Variants in JARID2 observed in about 807,000 individuals in gnomAD.
JARID2 encodes the protein jumonji and AT-rich interaction domain containing 2.
In JARID2, 21 loss-of-function variants were observed where a neutral mutation model predicts 125.6. The ratio of observed to expected loss-of-function variants is 0.17; its 90% CI spans 0.12 to 0.24. The LOEUF is 0.24. Ranked by LOEUF, JARID2 falls within the 10% of genes least tolerant of loss-of-function variation. The pLI is 1.00. For missense variants in JARID2, 1,303 were observed against 1,639.6 expected, an observed-to-expected ratio of 0.79 and a Z score of 3.55; for synonymous variants, 736 against 661.6, an observed-to-expected ratio of 1.11 and a Z score of -1.73.
intron 2 of JARID2, among the ~76,000 whole-genome samples, chr6:15,384,371 ATTTTTT>A (rs370485500): frequency 7.4e-6 from 1 of 135,388 alleles, no homozygotes; most frequent in Non-Finnish European, 1.6e-5. Context: ...GCCCACTTTG[ATTTTTT>A]TTTTTTTTTT....
intron 2 of JARID2, among the ~76,000 whole-genome samples, chr6:15,404,069 T>G (rs1350287392): frequency 6.6e-6 from 1 of 152,206 alleles, no homozygotes; most frequent in East Asian, 1.9e-4. Flanking sequence ...CCACTTTCAT[T>G]TGTGCCTCGT....
At chr6:15,300,722 T>TGTGAGAGAGAGAGAGAGAGAGAGAGA in intron 1 of JARID2, among the ~76,000 whole-genome samples, 1 of 111,198 alleles carries the variant, frequency 9.0e-6, no homozygotes, top group Non-Finnish European at 1.8e-5. Context: ...TGTGTGTGTG[T>TGTGAGAGAGAGAGAGAGAGAGAGAGA]GAGAGAGAGA....
intron 1 of JARID2, among the ~76,000 whole-genome samples, chr6:15,327,289 G>C (rs1205779472): frequency 2.0e-5 from 3 of 152,056 alleles, no homozygotes; most frequent in African/African-American, 7.2e-5. Flanking sequence ...TGTCACCCAG[G>C]TTGGAGTGCA....
chr6:15,449,938 C>T (rs1047145603), intron 3 of JARID2, among the ~76,000 whole-genome samples: 2 of 151,890 alleles, frequency 1.3e-5, no homozygotes, highest in South Asian at 2.1e-4. Context: ...CTTTATATTT[C>T]GGGAGTGTGG....
At chr6:15,347,675 A>C (rs1012983828) in intron 1 of JARID2, among the ~76,000 whole-genome samples, 2 of 152,174 alleles carry the variant, frequency 1.3e-5, no homozygotes, top group Non-Finnish European at 2.9e-5. Flanking sequence ...CACTTTGTGT[A>C]TGTTGGTGGT....
At position 15,520,189 on chromosome 6, in the gene JARID2, G is replaced by C; in HGVS notation, c.3679G>C (p.Asp1227His). 2 of 1,613,776 alleles carry C rather than the reference G, an allele frequency of 1.2e-6. No individual in the cohort carries two copies. The highest frequency in any genetic ancestry group is 2.2e-5 in the South Asian group (2 of 91,028). Residue 1227 changes from aspartate to histidine, a missense_variant, in exon 18 of 18, where the codon GAC (aspartate) becomes CAC (histidine). Transcript: ENST00000341776. ...AGGTCCCCGCAAGAGAGCGACAGTG[G>C]ACGTGCCCCCCTCCCGTCTGTCAGC... ...KRGPRKRATV[D>H]VPPSRLSASS...
chr6:15,431,470 A>G (rs991462850), intron 3 of JARID2, among the ~76,000 whole-genome samples: 1 of 152,156 alleles, frequency 6.6e-6, no homozygotes, highest in African/African-American at 2.4e-5. Context: ...GGTCATGAGG[A>G]ATAATTCTGA....
At chr6:15,323,116 G>A (rs998937886) in intron 1 of JARID2, among the ~76,000 whole-genome samples, 2 of 152,214 alleles carry the variant, frequency 1.3e-5, no homozygotes, top group Non-Finnish European at 2.9e-5. Context: ...ATTCATTCTG[G>A]CTGTTTTTCT....
At chr6:15,518,740 C>A (rs77683435) in intron 17 of JARID2, among the ~76,000 whole-genome samples, 1 of 152,316 alleles carries the variant, frequency 6.6e-6, no homozygotes, top group East Asian at 1.9e-4. Context: ...CTTCAGCCTC[C>A]CAAAGTGCTG....
intron 3 of JARID2, among the ~76,000 whole-genome samples, chr6:15,416,678 G>C (rs1158786183): frequency 1.4e-5 from 2 of 138,398 alleles, no homozygotes; most frequent in African/African-American, 6.3e-5. Flanking sequence ...GGAGACCGTG[G>C]AAAGAGAGGG....
intron 3 of JARID2, among the ~76,000 whole-genome samples, chr6:15,416,050 G>T (rs960804419): frequency 2.6e-5 from 4 of 151,948 alleles, no homozygotes; most frequent in Non-Finnish European, 4.4e-5. Flanking sequence ...ATCCCAGACG[G>T]GGCGGCGGGG....
intron 3 of JARID2, among the ~76,000 whole-genome samples, chr6:15,436,315 T>A (rs182379837): frequency 6.6e-6 from 1 of 152,236 alleles, no homozygotes; most frequent in African/African-American, 2.4e-5. Flanking sequence ...AGAAGGGAGA[T>A]GGTTTTCCCC....
intron 3 of JARID2, among the ~76,000 whole-genome samples, chr6:15,435,478 A>C (rs542362241): frequency 5.3e-5 from 8 of 152,142 alleles, no homozygotes; most frequent in Non-Finnish European, 1.2e-4. Context: ...GTAGGATGCC[A>C]CCTTCCTCCC....
At chr6:15,249,610 T>C (rs1261568943) in intron 1 of JARID2, among the ~76,000 whole-genome samples, 1 of 152,180 alleles carries the variant, frequency 6.6e-6, no homozygotes, top group African/African-American at 2.4e-5. Flanking sequence ...TATGCCTCTT[T>C]ATAAGTAAGG....
rs774240024 is a variant in JARID2 at position 15,410,264 on chromosome 6, A to C, written c.222A>C (p.Ala74=). The C allele has an allele frequency of 1.9e-6, 3 of 1,614,184 alleles. No homozygotes were observed. The South Asian group carries it at 3.3e-5, about 18-fold the overall frequency. The part of the protein sequence containing the change: ...GNDQSKGLGP[A]SEQSENEKDD... ...ACCAGTCTAAGGGATTAGGACCAGC[A>C]TCAGAACAGTCAGAGAATGAAAAGG... The change falls in exon 3 of 18, where the codon GCA becomes GCC. Residue 74 remains alanine (A), a synonymous_variant. Transcript: ENST00000341776.
In JARID2 at chr6:15,467,462, C is replaced by T. The variant is rs80276002; in HGVS notation, c.494-1080C>T. Among the ~76,000 whole-genome samples the T allele has an allele frequency of 7.3e-3, 1,104 of 150,536 alleles. 13 individuals carry two copies. The highest frequency in any genetic ancestry group is 0.025 in the African/African-American group (1,043 of 40,982). ...TTTAGAAGCCTCTGGTTCCAAACAA[C>T]GTACAAATGACTTGATTGTATTTCC... On this transcript the variant is annotated intron_variant, in intron 4 of 17. Transcript: ENST00000341776.
In JARID2 at chr6:15,513,002, G is replaced by A. The variant is rs764058660; in HGVS notation, c.3223G>A (p.Gly1075Ser). 6.8e-6 allele frequency: 11 copies of A among 1,613,798 alleles called. No homozygotes were observed. Among genetic ancestry groups the A allele is most frequent in the African/African-American group, 5.3e-5 (4 of 74,860 alleles). ...ACAAGCAGAAGCAAAAAAAGAAAACGGTCCCACTCTCAGTACCATCTCAGC... is the reference window on the plus strand; with the variant it reads ...ACAAGCAGAAGCAAAAAAAGAAAACAGTCCCACTCTCAGTACCATCTCAGC... ...IAQAEAKKENGPTLSTISALL... is the reference protein window; with the variant it reads ...IAQAEAKKENSPTLSTISALL... Residue 1075 changes from glycine to serine, a missense_variant, in exon 15 of 18, where the codon GGT (glycine) becomes AGT (serine). By Grantham distance (56) the Gly-to-Ser change is moderately conservative (BLOSUM62 0). Coordinates refer to ENST00000341776, the MANE Select transcript of JARID2 (RefSeq NM_004973.4).
chr6:15,364,169 T>C (rs993983642), intron 1 of JARID2, among the ~76,000 whole-genome samples: 1 of 152,192 alleles, frequency 6.6e-6, no homozygotes, highest in East Asian at 1.9e-4. Context: ...AGGCATTGAT[T>C]GATCTCATAA....
intron 5 of JARID2, among the ~76,000 whole-genome samples, chr6:15,473,339 G>C (rs910164971): frequency 3.3e-5 from 5 of 152,182 alleles, no homozygotes; most frequent in Non-Finnish European, 7.3e-5. Context: ...CCCACAAGGA[G>C]CTAATGGGAG....
Sources: gnomAD v4.1 joint callset for allele counts (sites outside exome capture counted in the v4.1 genomes callset) on GRCh38, gnomAD v4.1.1 for gene constraint, MANE v1.5 for transcripts, NCBI Gene and HGNC (gene_info 2026-07-23, HGNC 2026-07-21) for gene names.